SLC26A4: variants seen among roughly 807,000 people sequenced by gnomAD.
SLC26A4 encodes pendrin.
In SLC26A4, 93 loss-of-function variants were observed where a neutral mutation model predicts 90.4. The observed-to-expected ratio is 1.03, with a 90% CI of 0.87 to 1.22. The LOEUF (loss-of-function observed/expected upper bound fraction) is 1.22, where lower values mean the gene tolerates loss of function less well. SLC26A4 is among the 50% of genes most tolerant of loss of function. The pLI is 0.00. For missense variants in SLC26A4, 1,127 were observed against 946.2 expected (o/e 1.19, Z -2.51); for synonymous variants, 393 against 354.6 (o/e 1.11, Z -1.22).
At chr7:107,713,640 A>G (rs79087888) in intron 20 of SLC26A4, among the ~76,000 whole-genome samples, 206 of 152,310 alleles carry the variant, frequency 1.4e-3, no homozygotes, top group African/African-American at 4.3e-3. Context: ...AGATTATTCA[A>G]CCATGACCTA....
intron 18 of SLC26A4, among the ~76,000 whole-genome samples, chr7:107,705,113 A>G (rs1288921846): frequency 6.6e-6 from 1 of 152,214 alleles, no homozygotes; most frequent in Non-Finnish European, 1.5e-5. Context: ...CTGGGAGGGC[A>G]AAGCTCAAGA....
intron 6 of SLC26A4, among the ~76,000 whole-genome samples, chr7:107,680,170 AT>A (rs1791176200): frequency 8.4e-6 from 1 of 118,510 alleles, no homozygotes; most frequent in African/African-American, 4.0e-5. Flanking sequence ...ATATAATCTT[AT>A]CTTATTATAT....
At chr7:107,670,204 G>T (rs190880303) in intron 3 of SLC26A4, among the ~76,000 whole-genome samples, 1 of 151,584 alleles carries the variant, frequency 6.6e-6, no homozygotes. Context: ...CCGCCTCCTG[G>T]GTTCAAGCAG....
chr7:107,676,958 G>C (rs1791038888), intron 6 of SLC26A4, among the ~76,000 whole-genome samples: 1 of 152,152 alleles, frequency 6.6e-6, no homozygotes, highest in Non-Finnish European at 1.5e-5. Context: ...TGGATCACTT[G>C]ATCCCATGAG....
intron 19 of SLC26A4, among the ~76,000 whole-genome samples, chr7:107,710,565 T>G (rs1174590338): frequency 2.6e-5 from 4 of 152,222 alleles, no homozygotes; most frequent in African/African-American, 9.6e-5. Context: ...CTCAGCAATC[T>G]GGAAAACCTT....
chr7:107,708,273 A>T (rs1792082488), intron 18 of SLC26A4, among the ~76,000 whole-genome samples: 1 of 152,154 alleles, frequency 6.6e-6, no homozygotes, highest in Non-Finnish European at 1.5e-5. Context: ...ACTTGCTTAA[A>T]CCTTCATTTG....
intron 2 of SLC26A4, among the ~76,000 whole-genome samples, chr7:107,662,527 T>C (rs1345651916): frequency 1.3e-5 from 2 of 152,028 alleles, no homozygotes; most frequent in Non-Finnish European, 2.9e-5. Flanking sequence ...TTCTTGTATC[T>C]ACACCTACTT....
At chr7:107,693,262 G>A (rs1201962201) in intron 10 of SLC26A4, 10 of 982,352 alleles carry the variant, frequency 1.0e-5, no homozygotes, top group Non-Finnish European at 1.2e-5. Context: ...AATCTAGGAT[G>A]GGGATAGGAA....
At chr7:107,672,567 C>T (rs1462428684) in intron 4 of SLC26A4, among the ~76,000 whole-genome samples, 3 of 151,692 alleles carry the variant, frequency 2.0e-5, no homozygotes, top group Non-Finnish European at 2.9e-5. Context: ...TTTTTAAAAA[C>T]GTGATCAATT....
chr7:107,695,004 C>A (rs1298673174), intron 12 of SLC26A4, among the ~76,000 whole-genome samples: 2 of 152,152 alleles, frequency 1.3e-5, no homozygotes, highest in African/African-American at 4.8e-5. Flanking sequence ...AATGTTTAAA[C>A]ACCCTAGTTT....
At chr7:107,707,248 C>A (rs1792058323) in intron 18 of SLC26A4, among the ~76,000 whole-genome samples, 1 of 152,158 alleles carries the variant, frequency 6.6e-6, no homozygotes, top group South Asian at 2.1e-4. Context: ...AGCAATGTTT[C>A]AAATAAAAAA....
chr7:107,678,988 A>C (rs1015304524), intron 6 of SLC26A4, among the ~76,000 whole-genome samples: 1 of 152,194 alleles, frequency 6.6e-6, no homozygotes, highest in African/African-American at 2.4e-5. Context: ...TCTCCCCCAA[A>C]AAGGTGCTGA....
chr7:107,679,975 AT>A (rs1791152387), intron 6 of SLC26A4, among the ~76,000 whole-genome samples: 2 of 137,498 alleles, frequency 1.5e-5, no homozygotes, highest in African/African-American at 2.7e-5. Flanking sequence ...ATTATATAAT[AT>A]AATCTTATTA....
chr7:107,686,406 TTTCTTTC>T (rs1280750673), intron 8 of SLC26A4, among the ~76,000 whole-genome samples: 2 of 16,770 alleles, frequency 1.2e-4, no homozygotes, highest in Non-Finnish European at 2.4e-4. Flanking sequence ...CTCTCTCTTT[TTTCTTTC>T]TTTCTTTCTT....
intron 20 of SLC26A4, among the ~76,000 whole-genome samples, chr7:107,714,461 C>T (rs1199904869): frequency 2.0e-5 from 3 of 152,132 alleles, no homozygotes; most frequent in African/African-American, 7.2e-5. Flanking sequence ...CATCTTGGCC[C>T]ACCAGCTTAG....
In SLC26A4 at chr7:107,683,309, G is replaced by A. The variant is rs776517641; in HGVS notation, c.873G>A (p.Arg291=). Residue 291 remains arginine, a synonymous_variant, in exon 7 of 21, where the codon CGG becomes CGA. Transcript: ENST00000644269. ...VCMAVKELND[R]FRHKIPVPIP... The stretch of plus-strand genomic sequence containing the variant: ...TGGCAGTTAAGGAATTAAATGATCG[G>A]TTTAGACACAAAATCCCAGTCCCTA... 19 of 1,613,648 alleles carry A rather than the reference G, an allele frequency of 1.2e-5. No homozygotes were observed. In the African/African-American group the frequency reaches 2.0e-4, roughly 17 times the overall value.
intron 6 of SLC26A4, among the ~76,000 whole-genome samples, chr7:107,681,350 TGA>T (rs1251919158): frequency 6.6e-6 from 1 of 152,130 alleles, no homozygotes; most frequent in African/African-American, 2.4e-5. Flanking sequence ...TCCAGAGAGC[TGA>T]GGTTGCTGGC....
chr7:107,676,185 G>A (rs1417094375), intron 6 of SLC26A4, among the ~76,000 whole-genome samples: 2 of 152,168 alleles, frequency 1.3e-5, no homozygotes, highest in Non-Finnish European at 2.9e-5. Context: ...TTCCTTCTCT[G>A]CAAAATTGGG....
chr7:107,713,750 A>G (rs1037296877), intron 20 of SLC26A4, among the ~76,000 whole-genome samples: 2 of 152,150 alleles, frequency 1.3e-5, no homozygotes, highest in Non-Finnish European at 2.9e-5. Context: ...GCAGGGGCCA[A>G]CTAAAGACTG....
Sources: gnomAD v4.1 joint callset for allele counts (sites outside exome capture counted in the v4.1 genomes callset) on GRCh38, gnomAD v4.1.1 for gene constraint, MANE v1.5 for transcripts, NCBI Gene and HGNC (gene_info 2026-07-23, HGNC 2026-07-21) for gene names.